TMCC3: variants seen among roughly 807,000 people sequenced by gnomAD.
TMCC3 encodes transmembrane and coiled-coil domain protein 3.
Under a neutral mutation model 40.2 loss-of-function variants are expected in TMCC3, and 28 were observed. That is an observed-to-expected ratio of 0.70 (90% CI 0.52 to 0.95). The LOEUF is 0.95. Among genes scored for constraint, TMCC3 ranks in the 40% least tolerant of loss-of-function variants. The probability of loss-of-function intolerance (pLI) is 0.00; values close to 1 mark genes in which losing one functional copy is unlikely to be tolerated. For synonymous variants in TMCC3, 255 were observed against 248.5 expected, an observed-to-expected ratio of 1.03 and a Z score of -0.25; for missense variants, 554 against 615.2, an observed-to-expected ratio of 0.90 and a Z score of 1.05.
In TMCC3 at chr12:94,598,854, A is replaced by G. The variant is rs374300659; in HGVS notation, c.79-16316T>C. ...TGGTGGGCTGTGATTTTAAAGATAA[A>G]CACTGTATCATGACCCTTCTTAGAA... On this transcript the variant is annotated intron_variant, in intron 1 of 3. Coordinates refer to ENST00000261226, the MANE Select transcript of TMCC3 (RefSeq NM_020698.4). The G allele has an allele frequency of 2.5e-5, 20 of 813,674 alleles. 1 individual carries two copies. Among genetic ancestry groups the G allele is most frequent in the Middle Eastern group, 6.3e-4 (1 of 1,580 alleles). The allele number at this position is 813,674 out of a possible 1,614,324, so 50.4% of individuals were successfully genotyped here. A position where few individuals can be genotyped will look rare whatever the true frequency, so the allele number is the denominator to read the frequency against.
chr12:94,624,907 G>A (rs375449625), intron 1 of TMCC3, among the ~76,000 whole-genome samples: 8 of 151,954 alleles, frequency 5.3e-5, no homozygotes, highest in East Asian at 1.9e-4. Flanking sequence ...TTGGGAGGCC[G>A]AGGCGGGTGG....
At chr12:94,609,703 A>G (rs753092686) in intron 1 of TMCC3, 5 of 152,216 alleles carry the variant, frequency 3.3e-5, no homozygotes, top group Non-Finnish European at 5.9e-5. Flanking sequence ...GGTCTCCTAA[A>G]CTAAGAACAG....
intron 1 of TMCC3, among the ~76,000 whole-genome samples, chr12:94,590,655 G>C (rs531681421): frequency 6.6e-6 from 1 of 152,148 alleles, no homozygotes; most frequent in East Asian, 1.9e-4. Context: ...CTGGGAGACC[G>C]ATGTGGGGCT....
At chr12:94,633,022 C>T (rs1441275894) in intron 1 of TMCC3, among the ~76,000 whole-genome samples, 3 of 152,224 alleles carry the variant, frequency 2.0e-5, no homozygotes, top group Admixed American at 1.3e-4. Context: ...AGGAGAATCA[C>T]TTGAACCTGA....
chr12:94,626,053 C>A (rs2068902721), intron 1 of TMCC3, among the ~76,000 whole-genome samples: 1 of 152,116 alleles, frequency 6.6e-6, no homozygotes, highest in Admixed American at 6.5e-5. Flanking sequence ...AGGAAACTTA[C>A]AAACATGGCG....
At chr12:94,580,627 C>G (rs933138333) in intron 2 of TMCC3, among the ~76,000 whole-genome samples, 3 of 152,006 alleles carry the variant, frequency 2.0e-5, no homozygotes, top group Non-Finnish European at 4.4e-5. Flanking sequence ...CCCAGCTACT[C>G]GGGAGGCTTA....
intron 1 of TMCC3, among the ~76,000 whole-genome samples, chr12:94,605,287 G>A (rs1237078380): frequency 6.6e-6 from 1 of 152,038 alleles, no homozygotes; most frequent in Non-Finnish European, 1.5e-5. Context: ...AGAAAAGGAG[G>A]CTTATCTTAA....
rs60331286 is a variant in TMCC3 at position 94,643,217 on chromosome 12, C to T, written c.78+7136G>A. ...AAAAAAAAGAAAGTCAACCGAGGCA[C>T]ATAACTCCAAGACTGGCACTCTTAA... On this transcript the variant is annotated intron_variant, in intron 1 of 3. Coordinates refer to ENST00000261226, the MANE Select transcript of TMCC3 (RefSeq NM_020698.4). Among the ~76,000 whole-genome samples the T allele has an allele frequency of 4.3e-4, 65 of 152,122 alleles. 1 individual carries two copies. Among genetic ancestry groups the T allele is most frequent in the African/African-American group, 1.5e-3 (64 of 41,496 alleles).
At chr12:94,622,168 G>A (rs902625763) in intron 1 of TMCC3, among the ~76,000 whole-genome samples, 1 of 152,122 alleles carries the variant, frequency 6.6e-6, no homozygotes, top group Non-Finnish European at 1.5e-5. Flanking sequence ...ACTTTTGGGA[G>A]AGAGGAGTAC....
intron 3 of TMCC3, among the ~76,000 whole-genome samples, chr12:94,574,344 C>T (rs922959184): frequency 1.3e-5 from 2 of 151,512 alleles, no homozygotes; most frequent in African/African-American, 2.4e-5. Flanking sequence ...GCCGAGATCA[C>T]GCCACTACAC....
chr12:94,609,885 T>C, intron 1 of TMCC3: 1 of 152,200 alleles, frequency 6.6e-6, no homozygotes, highest in Non-Finnish European at 1.5e-5. Flanking sequence ...ATACTTATCT[T>C]CTTTCATATT....
At chr12:94,584,161 G>A (rs1439769608) in intron 1 of TMCC3, among the ~76,000 whole-genome samples, 1 of 152,146 alleles carries the variant, frequency 6.6e-6, no homozygotes, top group Non-Finnish European at 1.5e-5. Context: ...GGCCTGGTGG[G>A]AGGTGATCGA....
chr12:94,648,446 T>C (rs1177330837), intron 1 of TMCC3, among the ~76,000 whole-genome samples: 1 of 152,102 alleles, frequency 6.6e-6, no homozygotes, highest in African/African-American at 2.4e-5. Flanking sequence ...AGGCTGGTCT[T>C]GAACTCCTGA....
Position 94,597,135 on chromosome 12 carries a change from ATATATATATATATATATATATATG to A in TMCC3, c.79-14621_79-14598del, listed in dbSNP as rs1566322246. On this transcript the variant is annotated intron_variant, in intron 1 of 3. Transcript: ENST00000261226. Reference sequence around the variant, plus strand: ...TCTCTATTAAAATACATATATATATATATATATATATATATATATATATGTATATAAATTAGCCAGGCCTGCTGG... The same window carrying A: ...TCTCTATTAAAATACATATATATATATATATAAATTAGCCAGGCCTGCTGG... Among the ~76,000 whole-genome samples, 14 of 12,108 alleles carry A rather than the reference ATATATATATATATATATATATATG, an allele frequency of 1.2e-3. 1 individual carries two copies. Among genetic ancestry groups the A allele is most frequent in the African/African-American group, 2.1e-3 (11 of 5,170 alleles). The allele number at this position is 12,108 out of a possible 152,430, so 7.9% of individuals were successfully genotyped here.
chr12:94,641,299 T>C (rs963041363), intron 1 of TMCC3, among the ~76,000 whole-genome samples: 17 of 151,974 alleles, frequency 1.1e-4, no homozygotes, highest in African/African-American at 4.1e-4. Context: ...ACTGGCTGTA[T>C]GGGAAAAGTA....
intron 1 of TMCC3, chr12:94,590,989 G>A: frequency 1.8e-6 from 1 of 559,900 alleles, no homozygotes; most frequent in Non-Finnish European, 3.6e-6. Context: ...CTTGGGAGAT[G>A]AGGAAGAAAC....
At position 94,568,201 on chromosome 12, in the gene TMCC3, G is replaced by T. The variant is rs1034343005; in HGVS notation, c.*3234C>A. 6.6e-6 allele frequency: 1 copy of T among 150,820 alleles called. No homozygotes were observed. 9.3% of individuals were successfully genotyped at this position (150,820 alleles called of 1,614,324 possible). ...GCTACAAACTTGGGACTAATCCCAT[G>T]TTCATTGTCCAAACCCAGCAACGGA... On this transcript the variant is annotated 3_prime_UTR_variant, in exon 4 of 4. Coordinates refer to ENST00000261226, the MANE Select transcript of TMCC3 (RefSeq NM_020698.4).
intron 1 of TMCC3, among the ~76,000 whole-genome samples, chr12:94,620,463 T>C (rs1433182298): frequency 6.6e-6 from 1 of 151,774 alleles, no homozygotes; most frequent in Non-Finnish European, 1.5e-5. Context: ...AATTTTTGTA[T>C]TTTTAGTAGA....
At chr12:94,636,636 AG>A (rs2068962239) in intron 1 of TMCC3, among the ~76,000 whole-genome samples, 1 of 152,258 alleles carries the variant, frequency 6.6e-6, no homozygotes, top group African/African-American at 2.4e-5. Flanking sequence ...GAGAGTGCCT[AG>A]GTGGGCCTAA....
Sources: allele counts gnomAD v4.1 joint callset (sites outside exome capture counted in the v4.1 genomes callset), GRCh38; gene constraint gnomAD v4.1.1; transcripts MANE v1.5; gene names NCBI Gene and HGNC (gene_info 2026-07-23, HGNC 2026-07-21).